Variants in SLC15A5 observed in about 807,000 individuals in gnomAD.
SLC15A5 encodes Peptide/histidine transporter ENSP00000340402.
In SLC15A5, 58 loss-of-function variants were observed where a neutral mutation model predicts 56.1. The ratio of observed to expected loss-of-function variants is 1.03; its 90% confidence interval spans 0.84 to 1.29. The LOEUF is 1.29. Ranked by LOEUF, SLC15A5 falls within the 50% of genes most tolerant of loss-of-function variation. The probability of loss-of-function intolerance (pLI) is 0.00; values close to 1 mark genes in which losing one functional copy is unlikely to be tolerated. For synonymous variants in SLC15A5, 264 were observed against 250.5 expected (o/e 1.05, Z -0.51); for missense variants, 681 against 672.1 (o/e 1.01, Z -0.15).
At chr12:16,240,720 G>A (rs374908096) in intron 4 of SLC15A5, among the ~76,000 whole-genome samples, 3 of 152,154 alleles carry the variant, frequency 2.0e-5, no homozygotes, top group African/African-American at 7.2e-5. Flanking sequence ...TGTGATATCA[G>A]AACCAAGGGA....
intron 7 of SLC15A5, among the ~76,000 whole-genome samples, chr12:16,210,365 A>T (rs988392489): frequency 1.3e-5 from 2 of 152,028 alleles, no homozygotes; most frequent in Non-Finnish European, 2.9e-5. Flanking sequence ...TTCTTCTCCC[A>T]ATCTCCACCT....
chr12:16,202,018 G>A (rs563307269), intron 7 of SLC15A5, among the ~76,000 whole-genome samples: 2 of 152,240 alleles, frequency 1.3e-5, no homozygotes, highest in African/African-American at 4.8e-5. Flanking sequence ...TAGAACAGGG[G>A]AAAAGCTTCC....
chr12:16,230,877 C>G (rs1446782861), intron 5 of SLC15A5, among the ~76,000 whole-genome samples: 1 of 150,364 alleles, frequency 6.7e-6, no homozygotes, highest in Non-Finnish European at 1.5e-5. Flanking sequence ...GAGCTGAGAT[C>G]ATGCCACTGC....
At chr12:16,189,934 A>G in intron 8 of SLC15A5, 119 bp from the exon 9 acceptor site, 1 of 721,918 alleles carries the variant, frequency 1.4e-6, no homozygotes, top group Admixed American at 3.4e-5. Flanking sequence ...CTGGCACAAC[A>G]GTGACGATTA....
intron 5 of SLC15A5, among the ~76,000 whole-genome samples, chr12:16,228,922 G>C (rs7961881): frequency 2.6e-5 from 4 of 152,154 alleles, no homozygotes; most frequent in Non-Finnish European, 5.9e-5. Flanking sequence ...GTTACACGTA[G>C]ATTTTTGACT....
At chr12:16,244,823 T>C in intron 3 of SLC15A5, 23 bp from the exon 4 acceptor site, 5 of 1,525,996 alleles carry the variant, frequency 3.3e-6, no homozygotes, top group South Asian at 1.2e-5. Context: ...GGAGATATTA[T>C]GTATTAGTAT....
chr12:16,260,131 T>C (rs1380221433), intron 2 of SLC15A5, among the ~76,000 whole-genome samples: 2 of 152,320 alleles, frequency 1.3e-5, no homozygotes, highest in East Asian at 1.9e-4. Context: ...AGGACAGATA[T>C]TGTCAAAAAT....
At chr12:16,201,566 A>G (rs981813316) in intron 7 of SLC15A5, among the ~76,000 whole-genome samples, 3 of 152,060 alleles carry the variant, frequency 2.0e-5, no homozygotes, top group Admixed American at 6.6e-5. Context: ...GCAGGTGGAG[A>G]TAGTTGAATC....
At chr12:16,240,035 G>T (rs1404721817) in intron 4 of SLC15A5, among the ~76,000 whole-genome samples, 168 bp from the exon 5 acceptor site, 1 of 152,114 alleles carries the variant, frequency 6.6e-6, no homozygotes, top group African/African-American at 2.4e-5. Context: ...CTTCATCTGT[G>T]GTGGTAGGAG....
chr12:16,231,840 A>G (rs1269517013), intron 5 of SLC15A5, among the ~76,000 whole-genome samples: 1 of 152,234 alleles, frequency 6.6e-6, no homozygotes, highest in African/African-American at 2.4e-5. Context: ...CTTCAGCACT[A>G]GGAAGTATGC....
intron 5 of SLC15A5, 136 bp from the exon 6 acceptor site, chr12:16,224,738 T>G: frequency 1.1e-6 from 1 of 897,868 alleles, no homozygotes; most frequent in Non-Finnish European, 1.6e-6. Flanking sequence ...TTTTAATTTT[T>G]TTATTATACT....
intron 7 of SLC15A5, among the ~76,000 whole-genome samples, chr12:16,204,134 C>G (rs887787000): frequency 6.6e-6 from 1 of 152,078 alleles, no homozygotes; most frequent in Non-Finnish European, 1.5e-5. Context: ...AATTAACTTA[C>G]AAGTTTTACT....
At chr12:16,211,069 T>G (rs1448264128) in intron 7 of SLC15A5, among the ~76,000 whole-genome samples, 1 of 152,040 alleles carries the variant, frequency 6.6e-6, no homozygotes, top group African/African-American at 2.4e-5. Flanking sequence ...TGGCTAAGGG[T>G]GAATTATGGC....
chr12:16,194,494 G>A, intron 7 of SLC15A5, 41 bp from the exon 8 acceptor site: 1 of 1,294,898 alleles, frequency 7.7e-7, no homozygotes, highest in Non-Finnish European at 1.1e-6. Context: ...CTGCAGAGTT[G>A]TAAGTTTCTG....
chr12:16,219,860 T>TA (rs1034433264), intron 6 of SLC15A5, among the ~76,000 whole-genome samples: 18 of 152,098 alleles, frequency 1.2e-4, no homozygotes, highest in African/African-American at 4.3e-4. Flanking sequence ...GAAGACACAA[T>TA]AAAAAATATT....
intron 7 of SLC15A5, among the ~76,000 whole-genome samples, chr12:16,195,420 A>C (rs1555169720): frequency 6.6e-6 from 1 of 152,144 alleles, no homozygotes; most frequent in Non-Finnish European, 1.5e-5. Context: ...TTTACATTGC[A>C]CTACAGAATG....
At chr12:16,233,599 C>T (rs1490782519) in intron 5 of SLC15A5, among the ~76,000 whole-genome samples, 1 of 152,172 alleles carries the variant, frequency 6.6e-6, no homozygotes, top group Admixed American at 6.5e-5. Flanking sequence ...CTTTTATTAC[C>T]TGTTACTGAA....
At chr12:16,191,323 G>T (rs537400476) in intron 8 of SLC15A5, among the ~76,000 whole-genome samples, 3 of 152,136 alleles carry the variant, frequency 2.0e-5, no homozygotes, top group South Asian at 4.2e-4. Flanking sequence ...GGCTGTGGGG[G>T]TGTCTAGGGT....
At position 16,235,314 on chromosome 12, in the gene SLC15A5, ATATATGTATATG is replaced by A. The variant is rs1168074082; in HGVS notation, c.1162+4355_1162+4366del. On this transcript the variant is annotated intron_variant, in intron 5 of 8. Transcript: ENST00000344941. The surrounding 1 kb of genome is among the most constrained non-coding windows in gnomAD (Gnocchi z 4.1). Reference sequence around the variant, plus strand: ...TGTATATGTATATGTATATATATGTATATATGTATATGTATATGTACATATATATGACCTTCT... The same window carrying A: ...TGTATATGTATATGTATATATATGTATATATGTACATATATATGACCTTCT... Among the ~76,000 whole-genome samples, 1 of 149,326 alleles carries A rather than the reference ATATATGTATATG, an allele frequency of 6.7e-6. No homozygotes were observed. The highest frequency in any genetic ancestry group is 2.4e-5 in the African/African-American group (1 of 40,934).
Sources: allele counts gnomAD v4.1 joint callset (sites outside exome capture counted in the v4.1 genomes callset), GRCh38; gene constraint gnomAD v4.1.1; non-coding constraint Gnocchi (gnomAD v3.1); transcripts MANE v1.5; gene names NCBI Gene and HGNC (gene_info 2026-07-23, HGNC 2026-07-21).